STEAP1B: variants seen among roughly 807,000 people sequenced by gnomAD.
STEAP1B encodes STEAP family member 1B.
A neutral mutation model predicts 27.9 loss-of-function variants in STEAP1B; 13 were observed. That is an observed-to-expected ratio of 0.47 (90% confidence interval 0.30 to 0.74). The LOEUF (loss-of-function observed/expected upper bound fraction) is 0.74, where lower values mean the gene tolerates loss of function less well. Among genes scored for constraint, STEAP1B ranks in the 30% least tolerant of loss-of-function variants. The probability of loss-of-function intolerance (pLI) is 0.06; values close to 1 mark genes in which losing one functional copy is unlikely to be tolerated. For synonymous variants in STEAP1B, 86 were observed against 107.1 expected, an observed-to-expected ratio of 0.80 and a Z score of 1.22; for missense variants, 250 against 298.7, an observed-to-expected ratio of 0.84 and a Z score of 1.20.
chr7:22,472,579 T>C (rs562425351), intron 4 of STEAP1B, among the ~76,000 whole-genome samples: 37 of 152,190 alleles, frequency 2.4e-4, no homozygotes, highest in African/African-American at 7.7e-4. Context: ...AATCTAACCA[T>C]AAAAAATAAA....
rs1786440561 is a variant in STEAP1B at position 22,496,358 on chromosome 7, T to A, written c.-31-1472A>T. Reference sequence around the variant, plus strand: ...TTACAGTAAGCTAAAGTTAATGTATTATTAAAGAAAAAAAATTTTCAATAA... The same window carrying A: ...TTACAGTAAGCTAAAGTTAATGTATAATTAAAGAAAAAAAATTTTCAATAA... On this transcript the variant is annotated intron_variant, in intron 1 of 4. Coordinates refer to ENST00000678116, the MANE Select transcript of STEAP1B (RefSeq NM_001382447.1). Among the ~76,000 whole-genome samples the A allele has an allele frequency of 7.2e-5, 11 of 152,284 alleles. 1 individual carries two copies. In the South Asian group the frequency reaches 2.3e-3, roughly 32 times the overall value.
At chr7:22,447,497 C>A (rs1785426368) in intron 4 of STEAP1B, among the ~76,000 whole-genome samples, 1 of 152,144 alleles carries the variant, frequency 6.6e-6, no homozygotes, top group Non-Finnish European at 1.5e-5. Flanking sequence ...TCTATTGACT[C>A]TAAATAAATA....
chr7:22,419,896 A>C, intron 4 of STEAP1B, 60 bp from the exon 5 acceptor site: 1 of 1,489,096 alleles, frequency 6.7e-7, no homozygotes, highest in Non-Finnish European at 9.0e-7. Context: ...CACTATATTA[A>C]TTTGCGTCCA....
At chr7:22,479,129 G>A (rs1786022717) in intron 4 of STEAP1B, among the ~76,000 whole-genome samples, 1 of 152,328 alleles carries the variant, frequency 6.6e-6, no homozygotes, top group Admixed American at 6.5e-5. Context: ...CACCCAAGGA[G>A]AAATGAAGTC....
At chr7:22,488,020 T>C (rs73684099) in intron 4 of STEAP1B, among the ~76,000 whole-genome samples, 3,082 of 151,932 alleles carry the variant, frequency 0.02, 101 homozygotes, top group African/African-American at 0.07. Context: ...ATTTGTGAGG[T>C]TGAGAATCTG....
intron 4 of STEAP1B, among the ~76,000 whole-genome samples, chr7:22,464,790 C>G (rs553196447): frequency 4.0e-5 from 6 of 151,132 alleles, no homozygotes; most frequent in African/African-American, 1.2e-4. Flanking sequence ...GAAACTCCAG[C>G]CTCCAGAACT....
intron 4 of STEAP1B, among the ~76,000 whole-genome samples, chr7:22,432,928 G>C (rs1419150834): frequency 6.6e-6 from 1 of 152,188 alleles, no homozygotes; most frequent in Admixed American, 6.5e-5. Flanking sequence ...CTCCCTGACA[G>C]CAAAGAACTG....
intron 4 of STEAP1B, among the ~76,000 whole-genome samples, chr7:22,431,829 C>G (rs1785191516): frequency 6.6e-6 from 1 of 152,198 alleles, no homozygotes; most frequent in Admixed American, 6.5e-5. Flanking sequence ...CTTGGGCCAC[C>G]CTTCCAGCTC....
chr7:22,466,592 T>C (rs906644333), intron 4 of STEAP1B, among the ~76,000 whole-genome samples: 1 of 152,138 alleles, frequency 6.6e-6, no homozygotes, highest in Non-Finnish European at 1.5e-5. Flanking sequence ...TATGAGAAAG[T>C]AAATTTCTGT....
intron 4 of STEAP1B, among the ~76,000 whole-genome samples, chr7:22,446,728 A>G (rs1358047301): frequency 6.6e-6 from 1 of 152,094 alleles, no homozygotes; most frequent in Non-Finnish European, 1.5e-5. Flanking sequence ...AGGGGAAAGA[A>G]TGTGGGTTTT....
At chr7:22,448,199 T>A (rs1485291047) in intron 4 of STEAP1B, among the ~76,000 whole-genome samples, 1 of 152,202 alleles carries the variant, frequency 6.6e-6, no homozygotes, top group African/African-American at 2.4e-5. Flanking sequence ...CCTTCCCGTG[T>A]TAAAATAGTT....
intron 4 of STEAP1B, among the ~76,000 whole-genome samples, chr7:22,431,573 G>A (rs1035362973): frequency 2.0e-5 from 3 of 152,174 alleles, no homozygotes; most frequent in Admixed American, 6.5e-5. Flanking sequence ...TGGTAGAAGA[G>A]GCATGATACC....
chr7:22,427,649 A>G (rs1785126019), intron 4 of STEAP1B, among the ~76,000 whole-genome samples: 1 of 152,240 alleles, frequency 6.6e-6, no homozygotes, highest in African/African-American at 2.4e-5. Flanking sequence ...CAGATGAACT[A>G]AACATCCAAC....
intron 4 of STEAP1B, among the ~76,000 whole-genome samples, chr7:22,476,176 C>T (rs544769327): frequency 2.6e-5 from 4 of 152,274 alleles, no homozygotes; most frequent in East Asian, 3.9e-4. Flanking sequence ...CCCCAAACCC[C>T]GTTGTATTAC....
In STEAP1B at chr7:22,419,703, T is replaced by TG. The variant is rs879050279; in HGVS notation, c.*100dup. The TG allele has an allele frequency of 2.0e-5, 27 of 1,347,510 alleles. 1 individual carries two copies. In the South Asian group the frequency reaches 3.4e-4, roughly 17 times the overall value. The allele number at this position is 1,347,510 out of a possible 1,614,324, so 83.5% of individuals were successfully genotyped here. Reference sequence around the variant, plus strand: ...TCACCTGCAGCATGGCTGTTCATTGTGGCAGAGGGAAAGGGCACTGGGTGG... The same window carrying TG: ...TCACCTGCAGCATGGCTGTTCATTGTGGGCAGAGGGAAAGGGCACTGGGTGG... On this transcript the variant is annotated 3_prime_UTR_variant, in exon 5 of 5. Coordinates refer to ENST00000678116, the MANE Select transcript of STEAP1B (RefSeq NM_001382447.1).
At chr7:22,458,912 C>T (rs549453339) in intron 4 of STEAP1B, among the ~76,000 whole-genome samples, 3 of 151,428 alleles carry the variant, frequency 2.0e-5, no homozygotes, top group South Asian at 2.1e-4. Context: ...TAGTTTACAA[C>T]CACCAATGCC....
chr7:22,465,707 G>T (rs1345888971), intron 4 of STEAP1B, among the ~76,000 whole-genome samples: 2 of 152,178 alleles, frequency 1.3e-5, no homozygotes, highest in Admixed American at 1.3e-4. Flanking sequence ...GCCAGCAAAA[G>T]AGACATGGGG....
intron 4 of STEAP1B, among the ~76,000 whole-genome samples, chr7:22,441,579 G>A (rs981740713): frequency 3.3e-5 from 5 of 152,106 alleles, no homozygotes; most frequent in African/African-American, 9.7e-5. Context: ...ACTCTGTACC[G>A]CTCTCCAAAA....
intron 4 of STEAP1B, among the ~76,000 whole-genome samples, chr7:22,438,981 G>C (rs1323800997): frequency 6.6e-6 from 1 of 152,114 alleles, no homozygotes; most frequent in East Asian, 1.9e-4. Flanking sequence ...GAAAAACTAA[G>C]TACTGAATTT....
Sources: allele counts gnomAD v4.1 joint callset (sites outside exome capture counted in the v4.1 genomes callset), GRCh38; gene constraint gnomAD v4.1.1; transcripts MANE v1.5; gene names NCBI Gene and HGNC (gene_info 2026-07-23, HGNC 2026-07-21).